PLOD2: variants seen among roughly 807,000 people sequenced by gnomAD.
PLOD2 encodes the protein lysine hydroxylase 2.
PLOD2 carries 65 observed loss-of-function variants against 101.0 expected under a neutral mutation model. The ratio of observed to expected loss-of-function variants is 0.64; its 90% CI spans 0.53 to 0.79. The LOEUF (loss-of-function observed/expected upper bound fraction) is 0.79, where lower values mean the gene tolerates loss of function less well. Among genes scored for constraint, PLOD2 ranks in the 30% least tolerant of loss-of-function variants. The pLI, the probability that PLOD2 is intolerant of heterozygous loss-of-function variation, is 0.00. For missense variants in PLOD2, 909 were observed against 914.6 expected, an observed-to-expected ratio of 0.99 and a Z score of 0.08; for synonymous variants, 314 against 302.9, an observed-to-expected ratio of 1.04 and a Z score of -0.38.
intron 1 of PLOD2, among the ~76,000 whole-genome samples, chr3:146,150,673 A>T (rs1206751753): frequency 6.6e-6 from 1 of 152,138 alleles, no homozygotes; most frequent in Non-Finnish European, 1.5e-5. Context: ...ACAAACTCCC[A>T]TTACATGAGT....
chr3:146,130,112 T>G (rs2030822591), intron 1 of PLOD2, among the ~76,000 whole-genome samples: 1 of 152,180 alleles, frequency 6.6e-6, no homozygotes, highest in East Asian at 1.9e-4. Context: ...CTTTGTTCTC[T>G]CTTCTCCAAC....
chr3:146,150,858 C>T (rs1021922220), intron 1 of PLOD2, among the ~76,000 whole-genome samples: 1 of 152,150 alleles, frequency 6.6e-6, no homozygotes, highest in Admixed American at 6.5e-5. Context: ...GAAGAGGATA[C>T]GGTTCCTCTC....
chr3:146,146,709 G>T (rs1396461983), intron 1 of PLOD2, among the ~76,000 whole-genome samples: 2 of 152,170 alleles, frequency 1.3e-5, no homozygotes, highest in Non-Finnish European at 2.9e-5. Context: ...TCCAATGGTG[G>T]GCTCCTGATT....
chr3:146,108,222 C>G (rs1393553993), intron 4 of PLOD2, among the ~76,000 whole-genome samples: 1 of 151,958 alleles, frequency 6.6e-6, no homozygotes, highest in African/African-American at 2.4e-5. Context: ...ACTCTGCCAC[C>G]CAGGCTAGAG....
chr3:146,106,564 A>G lies in PLOD2; in HGVS notation c.583T>C (p.Tyr195His). 1 of 1,582,422 alleles carries G rather than the reference A, an allele frequency of 6.3e-7. No individual in the cohort carries two copies. Among genetic ancestry groups the G allele is most frequent in the Non-Finnish European group, 8.7e-7 (1 of 1,151,164 alleles). The change falls in exon 5 of 20, where the codon TAC becomes CAC. Residue 195 changes from tyrosine to histidine, a missense_variant. Transcript: ENST00000282903. Reference sequence around the variant, plus strand: ...AGTGGATCAATGTAAACTTTAGTGTAAAAGAGCTGATCATCATCATTATCC... The same window carrying G: ...AGTGGATCAATGTAAACTTTAGTGTGAAAGAGCTGATCATCATCATTATCC... ...LQDNDDDQLFYTKVYIDPLKR... is the reference protein window; with the variant it reads ...LQDNDDDQLFHTKVYIDPLKR...
intron 1 of PLOD2, among the ~76,000 whole-genome samples, chr3:146,130,015 C>T (rs936651617): frequency 5.9e-5 from 9 of 152,136 alleles, no homozygotes; most frequent in African/African-American, 2.2e-4. Context: ...GGTAAATACC[C>T]TCTTAGGATA....
At chr3:146,074,167 T>C (rs544533721) in intron 15 of PLOD2, among the ~76,000 whole-genome samples, 1 of 151,706 alleles carries the variant, frequency 6.6e-6, no homozygotes, top group East Asian at 1.9e-4. Context: ...AATTATTTTA[T>C]TGGGACAAGT....
intron 4 of PLOD2, among the ~76,000 whole-genome samples, chr3:146,109,810 C>T (rs1284668029): frequency 6.6e-6 from 1 of 152,166 alleles, no homozygotes; most frequent in Admixed American, 6.5e-5. Flanking sequence ...AGATATTTTT[C>T]ACTACTGGGT....
intron 1 of PLOD2, among the ~76,000 whole-genome samples, chr3:146,157,339 A>C (rs1378899817): frequency 6.6e-6 from 1 of 152,244 alleles, no homozygotes; most frequent in Non-Finnish European, 1.5e-5. Flanking sequence ...CTATAGTACA[A>C]AGTAAATATG....
At chr3:146,099,880 C>CT (rs5853264) in intron 7 of PLOD2, among the ~76,000 whole-genome samples, 65,335 of 129,260 alleles carry the variant, frequency 0.51, 16,730 homozygotes, top group East Asian at 0.55. Flanking sequence ...CAGTGACCAA[C>CT]TTTTTTTTTT....
chr3:146,103,544 C>T (rs1000858198), intron 6 of PLOD2, among the ~76,000 whole-genome samples: 3 of 151,300 alleles, frequency 2.0e-5, no homozygotes, highest in Non-Finnish European at 4.4e-5. Context: ...ATTGCAGCCT[C>T]GAACTCCTGG....
intron 16 of PLOD2, 90 bp downstream of exon 16, chr3:146,073,197 T>G: frequency 1.7e-6 from 1 of 584,310 alleles, no homozygotes. Context: ...GTTTCTCCAC[T>G]TTCACATCTT....
chr3:146,135,263 C>G lies in PLOD2; in HGVS notation c.110-11034G>C, dbSNP rs973791781. ...AGTTGCTGAAGTTCTCCACATTGTT[C>G]TACGAGTTGAAGTTGCTATATAAGA... On this transcript the variant is annotated intron_variant, in intron 1 of 19. Transcript: ENST00000282903. Among the ~76,000 whole-genome samples, 8 of 152,076 alleles carry G rather than the reference C, an allele frequency of 5.3e-5. 1 individual carries two copies. The highest frequency in any genetic ancestry group is 1.9e-4 in the African/African-American group (8 of 41,396).
At chr3:146,141,479 A>G (rs1342234045) in intron 1 of PLOD2, among the ~76,000 whole-genome samples, 1 of 152,076 alleles carries the variant, frequency 6.6e-6, no homozygotes, top group Non-Finnish European at 1.5e-5. Context: ...TCAACTACAG[A>G]TTTAACCCCT....
At chr3:146,156,254 A>G (rs894205480) in intron 1 of PLOD2, among the ~76,000 whole-genome samples, 4 of 152,238 alleles carry the variant, frequency 2.6e-5, no homozygotes, top group Non-Finnish European at 4.4e-5. Context: ...CCCACAGAGC[A>G]GCAGATCGGC....
intron 10 of PLOD2, chr3:146,085,528 A>G (rs1169163637): frequency 2.3e-5 from 12 of 517,726 alleles, no homozygotes; most frequent in African/African-American, 3.9e-5. Flanking sequence ...GCCAGTAAAT[A>G]TTTTAAGGCA....
At chr3:146,119,322 C>T (rs1479683650) in intron 3 of PLOD2, among the ~76,000 whole-genome samples, 2 of 152,130 alleles carry the variant, frequency 1.3e-5, no homozygotes, top group African/African-American at 4.8e-5. Flanking sequence ...TCCTGTACAG[C>T]CTGTGAAATT....
chr3:146,106,737 G>A lies in PLOD2; in HGVS notation c.503-93C>T, dbSNP rs1290497728. On this transcript the variant is annotated intron_variant, in intron 4 of 19. Transcript: ENST00000282903. ...TCACTGACCAGTTGAACAGAGTTGT[G>A]AAGTCATGAAGCCTAATTCTTAGGC... 9.1e-6 allele frequency: 7 copies of A among 767,766 alleles called. No individual in the cohort carries two copies. In the East Asian group the frequency reaches 1.5e-4, roughly 16 times the overall value. 47.6% of individuals were successfully genotyped at this position (767,766 alleles called of 1,614,324 possible). A position where few individuals can be genotyped will look rare whatever the true frequency, so the allele number is the denominator to read the frequency against.
In PLOD2 at chr3:146,070,486, T is replaced by C. The variant is rs1231581590; in HGVS notation, c.*231A>G. 3.1e-6 allele frequency: 1 copy of C among 325,190 alleles called. No homozygotes were observed. Among genetic ancestry groups the C allele is most frequent in the Non-Finnish European group, 5.6e-6 (1 of 178,322 alleles). 20.1% of individuals were successfully genotyped at this position (325,190 alleles called of 1,614,324 possible). On this transcript the variant is annotated 3_prime_UTR_variant, in exon 20 of 20. Transcript: ENST00000282903. Reference sequence around the variant, plus strand: ...GCAACAAAGCATAGAAATAAATATTTAAGTTTTTTCTTTCTTTTCTTCTTC... The same window carrying C: ...GCAACAAAGCATAGAAATAAATATTCAAGTTTTTTCTTTCTTTTCTTCTTC...
Sources: allele counts gnomAD v4.1 joint callset (sites outside exome capture counted in the v4.1 genomes callset), GRCh38; gene constraint gnomAD v4.1.1; transcripts MANE v1.5; gene names NCBI Gene and HGNC (gene_info 2026-07-23, HGNC 2026-07-21).